TH: variants seen among roughly 807,000 people sequenced by gnomAD.
TH encodes the protein tyrosine hydroxylase.
A neutral mutation model predicts 57.4 loss-of-function variants in TH; 49 were observed. The ratio of observed to expected loss-of-function variants is 0.85; its 90% CI spans 0.68 to 1.08. The LOEUF (loss-of-function observed/expected upper bound fraction) is 1.08, where lower values mean the gene tolerates loss of function less well. Ranked by LOEUF, TH falls within the 50% of genes least tolerant of loss-of-function variation. TH has a pLI of 0.00. For synonymous variants in TH, 330 were observed against 304.5 expected (o/e 1.08, Z -0.87); for missense variants, 720 against 696.7 (o/e 1.03, Z -0.38).
Position 2,168,113 on chromosome 11 carries a change from G to A in TH, c.554C>T (p.Pro185Leu), listed in dbSNP as rs1846152042. 1 of 1,613,424 alleles carries A rather than the reference G, an allele frequency of 6.2e-7. No individual in the cohort carries two copies. Among genetic ancestry groups the A allele is most frequent in the African/African-American group, 1.3e-5 (1 of 74,912 alleles). The change falls in exon 4 of 13, where the codon CCT (proline) becomes CTT (leucine). Residue 185 changes from proline to leucine, a missense_variant. Physicochemically the swap from Pro to Leu is moderately conservative, Grantham distance 98. Transcript: ENST00000352909. ...CACCGGGTGGTCCAAGTCCAGGTCA[G>A]GGTCGAACTTGGTGACCAGGTGATG... Reference protein sequence around the residue: ...KCHHLVTKFDPDLDLDHPGFS... With the variant: ...KCHHLVTKFDLDLDLDHPGFS...
In TH at chr11:2,167,050, CAG is replaced by C; in HGVS notation, c.696-20_696-19del. ...CCTCCTTCCTGCGGGCAGCCAGGCT[CAG>C]GGCCCTCTAATGCCCCACCCCAGTG... On this transcript the variant is annotated intron_variant, in intron 6 of 12. Transcript: ENST00000352909. 3 of 1,570,506 alleles carry C rather than the reference CAG, an allele frequency of 1.9e-6. No individual in the cohort carries two copies. Among genetic ancestry groups the C allele is most frequent in the Non-Finnish European group, 2.6e-6 (3 of 1,157,982 alleles).
chr11:2,165,473 A>C, intron 11 of TH, 108 bp from the exon 12 acceptor site: 1 of 1,530,790 alleles, frequency 6.5e-7, no homozygotes, highest in South Asian at 1.1e-5. Flanking sequence ...AGTCACCCCC[A>C]TCTCCCCCGC....
chr11:2,166,727 A>ACAG lies in TH; in HGVS notation c.880_882dup (p.Leu294dup). ...AGGCTGGCCAGGAAGTCCCGGGCGG[A>ACAG]CAGCAGGCCGGCCACAGGCCGCAGC... On this transcript the variant is annotated inframe_insertion, in exon 8 of 13. Coordinates refer to ENST00000352909, the MANE Select transcript of TH (RefSeq NM_000360.4). 1 of 1,550,690 alleles carries ACAG rather than the reference A, an allele frequency of 6.4e-7. No homozygotes were observed. Among genetic ancestry groups the ACAG allele is most frequent in the African/African-American group, 1.4e-5 (1 of 73,296 alleles).
chr11:2,164,881 T>C (rs1201786740), intron 12 of TH, among the ~76,000 whole-genome samples: 4 of 151,952 alleles, frequency 2.6e-5, no homozygotes, highest in African/African-American at 9.7e-5. Context: ...TCCCGCCCTG[T>C]CCCCCACCTT....
At chr11:2,166,192 G>T in intron 9 of TH, 134 bp from the exon 10 acceptor site, 3 of 1,071,424 alleles carry the variant, frequency 2.8e-6, no homozygotes, top group East Asian at 2.6e-5. Context: ...TTCCCTGGCC[G>T]CCCAGGATCC....
chr11:2,165,215 C>T lies in TH; in HGVS notation c.1334+17G>A. The T allele has an allele frequency of 6.2e-7, 1 of 1,612,734 alleles. No homozygotes were observed. The highest frequency in any genetic ancestry group is 8.5e-7 in the Non-Finnish European group (1 of 1,179,960). On this transcript the variant is annotated intron_variant, in intron 12 of 12. Transcript: ENST00000352909. ...TTGGGGGCACCATGGGGGGCTTGCC[C>T]TAGCAGCCTAGCCCACCTGAGCTTG...
Position 2,169,545 on chromosome 11 carries a change from G to C in TH, c.312+105C>G, listed in dbSNP as rs1345052301. 4.3e-5 allele frequency: 50 copies of C among 1,152,748 alleles called. No homozygotes were observed. The South Asian group carries it at 5.0e-4, about 12-fold the overall frequency. The allele number at this position is 1,152,748 out of a possible 1,614,324, so 71.4% of individuals were successfully genotyped here. ...CTGCTGCATCCTGTGCCGGCCTCGG[G>C]GGCCTGGGCAGCTGCACCTCTGCTA... On this transcript the variant is annotated intron_variant, in intron 2 of 12. Coordinates refer to ENST00000352909, the MANE Select transcript of TH (RefSeq NM_000360.4).
intron 12 of TH, 71 bp from the exon 13 acceptor site, chr11:2,164,463 C>T: frequency 6.6e-7 from 1 of 1,513,206 alleles, no homozygotes; most frequent in Admixed American, 2.1e-5. Flanking sequence ...GAGGGGAGGC[C>T]AGGGGCCGCG....
rs1360919275 is a variant in TH, at chr11:2,166,111, G to T, written c.1048-53C>A. On this transcript the variant is annotated intron_variant, in intron 9 of 12. Coordinates refer to ENST00000352909, the MANE Select transcript of TH (RefSeq NM_000360.4). ...GGAGAGGCAGCCCTGGGTCATGCTC[G>T]AGGTGGGGGCACCGGGGGTGTCAGC... is the stretch of plus-strand genomic sequence containing the variant. 2.0e-6 allele frequency: 3 copies of T among 1,537,758 alleles called. No homozygotes were observed. The African/African-American group carries it at 4.1e-5, about 21-fold the overall frequency.
rs1182281979 is a variant in TH, at chr11:2,171,377, G to C, written c.90+320C>G. Among the ~76,000 whole-genome samples the C allele has an allele frequency of 6.6e-6, 1 of 151,854 alleles. No homozygotes were observed. The highest frequency in any genetic ancestry group is 2.4e-5 in the African/African-American group (1 of 41,336). ...ACCTCTGGCCATCTTGGATTTTTTG[G>C]ATGGATTTGTTTCCACATTCCGATC... On this transcript the variant is annotated intron_variant, in intron 1 of 12. Transcript: ENST00000352909. The surrounding 1 kb of genome is among the most constrained non-coding windows in gnomAD (Gnocchi z 8.6).
Position 2,171,183 on chromosome 11 carries a change from C to G in TH, c.90+514G>C, listed in dbSNP as rs1249792347. On this transcript the variant is annotated intron_variant, in intron 1 of 12. Transcript: ENST00000352909. The surrounding 1 kb of genome is among the most constrained non-coding windows in gnomAD (Gnocchi z 8.6). ...GCCCAGATACCCTTTGAATTTTGCC[C>G]CCTATTTGCCCAGGACCCCCCACCA... Among the ~76,000 whole-genome samples the G allele has an allele frequency of 1.3e-5, 2 of 151,972 alleles. No homozygotes were observed. Among genetic ancestry groups the G allele is most frequent in the East Asian group, 1.9e-4 (1 of 5,144 alleles).
intron 11 of TH, 75 bp from the exon 12 acceptor site, chr11:2,165,440 C>G (rs116831738): frequency 7.5e-6 from 12 of 1,595,640 alleles, no homozygotes; most frequent in Non-Finnish European, 1.0e-5. Flanking sequence ...CGTGGCCTGA[C>G]GCTGGGTGGG....
chr11:2,165,266 A>G lies in TH; in HGVS notation c.1300T>C (p.Ser434Pro), dbSNP rs1367289835. 10 of 1,612,786 alleles carry G rather than the reference A, an allele frequency of 6.2e-6. No individual in the cohort carries two copies. The highest frequency in any genetic ancestry group is 8.5e-6 in the Non-Finnish European group (10 of 1,180,010). The change falls in exon 12 of 13, where the codon TCT becomes CCT. Residue 434 changes from serine (S) to proline (P), a missense_variant. By Grantham distance (74) the Ser-to-Pro change is moderately conservative. Transcript: ENST00000352909. ...TCCTTGGCGTCACTGAAGCTCTCAGACACGAAGTAGACTGACTGGTACGTC... is the reference window on the plus strand; with the variant it reads ...TCCTTGGCGTCACTGAAGCTCTCAGGCACGAAGTAGACTGACTGGTACGTC... ...DQTYQSVYFV[S>P]ESFSDAKDKL...
rs763198914 is a variant in TH at position 2,166,495 on chromosome 11, G to C, written c.1032C>G (p.Phe344Leu). The C allele has an allele frequency of 6.3e-7, 1 of 1,593,848 alleles. No homozygotes were observed. The highest frequency in any genetic ancestry group is 1.7e-5 in the Admixed American group (1 of 58,662). Residue 344 changes from phenylalanine (F) to leucine (L), a missense_variant, in exon 9 of 13, where the codon TTC (phenylalanine) becomes TTG (leucine). Phe to Leu is a conservative substitution (Grantham distance 22). Transcript: ENST00000352909. ...GHVPMLADRT[F>L]AQFSQDIGLA... ...CGCGGCGTACCTGCGAGAACTGCGC[G>C]AAGGTGCGGTCGGCCAGCATGGGCA...
At chr11:2,166,432 C>G (rs1846091569) in intron 9 of TH, 48 bp downstream of exon 9, 2 of 1,531,624 alleles carry the variant, frequency 1.3e-6, no homozygotes, top group South Asian at 2.4e-5. Flanking sequence ...CCCCCGGCGC[C>G]AAGCCAGCCC....
At chr11:2,166,305 G>T in intron 9 of TH, 175 bp downstream of exon 9, 1 of 980,538 alleles carries the variant, frequency 1.0e-6, no homozygotes, top group Non-Finnish European at 1.5e-6. Context: ...CACAGGCCGT[G>T]GGAGGCTCCG....
chr11:2,170,809 G>A lies in TH; in HGVS notation c.90+888C>T, dbSNP rs530628669. ...GCCTGATGGGGAGCCTGGTGGGGGA[G>A]GGTAGGGGAGGGCGGGGGAGGACGG... On this transcript the variant is annotated intron_variant, in intron 1 of 12. Transcript: ENST00000352909. This position sits in a 1 kb window ranked among gnomAD's most constrained non-coding sequence, Gnocchi z 6.0. 25 of 635,296 alleles carry A rather than the reference G, an allele frequency of 3.9e-5. No individual in the cohort carries two copies. In the South Asian group the frequency reaches 4.5e-4, roughly 11 times the overall value. 39.4% of individuals were successfully genotyped at this position (635,296 alleles called of 1,614,324 possible). A position where few individuals can be genotyped will look rare whatever the true frequency, so the allele number is the denominator to read the frequency against.
intron 7 of TH, 49 bp from the exon 8 acceptor site, chr11:2,166,817 G>A (rs1846105717): frequency 1.3e-6 from 2 of 1,554,518 alleles, no homozygotes; most frequent in Non-Finnish European, 1.7e-6. Flanking sequence ...GGCTGGAGCC[G>A]CGCTGGGGTG....
Position 2,170,803 on chromosome 11 carries a change from G to T in TH, c.90+894C>A, listed in dbSNP as rs755072185. On this transcript the variant is annotated intron_variant, in intron 1 of 12. Transcript: ENST00000352909. This position sits in a 1 kb window ranked among gnomAD's most constrained non-coding sequence, Gnocchi z 6.0. Reference sequence around the variant, plus strand: ...GGGGATGCCTGATGGGGAGCCTGGTGGGGGAGGGTAGGGGAGGGCGGGGGA... The same window carrying T: ...GGGGATGCCTGATGGGGAGCCTGGTTGGGGAGGGTAGGGGAGGGCGGGGGA... 29 of 916,146 alleles carry T rather than the reference G, an allele frequency of 3.2e-5. No homozygotes were observed. Among genetic ancestry groups the T allele is most frequent in the South Asian group, 1.0e-4 (7 of 67,362 alleles). The allele number at this position is 916,146 out of a possible 1,614,324, so 56.8% of individuals were successfully genotyped here.
Sources: allele counts gnomAD v4.1 joint callset (sites outside exome capture counted in the v4.1 genomes callset), GRCh38; gene constraint gnomAD v4.1.1; non-coding constraint Gnocchi (gnomAD v3.1); transcripts MANE v1.5; gene names NCBI Gene and HGNC (gene_info 2026-07-23, HGNC 2026-07-21).